STRBP: variants seen among roughly 807,000 people sequenced by gnomAD.
The protein encoded by STRBP is spermatid perinuclear RNA binding protein, also known as spermatid perinuclear RNA-binding protein.
STRBP carries 13 observed loss-of-function variants against 80.1 expected under a neutral mutation model. The ratio of observed to expected loss-of-function variants is 0.16; its 90% CI spans 0.11 to 0.26. STRBP has a LOEUF of 0.26. Ranked by LOEUF, STRBP falls within the 10% of genes least tolerant of loss-of-function variation. STRBP has a pLI of 1.00. For missense variants in STRBP, 485 were observed against 815.2 expected (o/e 0.59, Z 4.93); for synonymous variants, 284 against 291.2 (o/e 0.98, Z 0.25).
chr9:123,246,936 A>G (rs2040811002), intron 1 of STRBP, among the ~76,000 whole-genome samples: 1 of 152,212 alleles, frequency 6.6e-6, no homozygotes, highest in African/African-American at 2.4e-5. Flanking sequence ...CTAACAAACT[A>G]TTTCTCACCA....
chr9:123,243,133 T>C (rs1588148943), intron 1 of STRBP, among the ~76,000 whole-genome samples: 1 of 150,218 alleles, frequency 6.7e-6, no homozygotes, highest in African/African-American at 2.4e-5. Context: ...ATCGATGGAG[T>C]AGAACAGAGA....
At chr9:123,140,431 T>C (rs1045294202) in intron 13 of STRBP, among the ~76,000 whole-genome samples, 1 of 152,080 alleles carries the variant, frequency 6.6e-6, no homozygotes, top group African/African-American at 2.4e-5. Context: ...CAGTCTCTAC[T>C]AAAGATACAA....
At chr9:123,261,730 C>A (rs1161936725) in intron 1 of STRBP, among the ~76,000 whole-genome samples, 1 of 152,148 alleles carries the variant, frequency 6.6e-6, no homozygotes, top group Non-Finnish European at 1.5e-5. Context: ...CAAAAACAAC[C>A]GAAAATATTC....
intron 3 of STRBP, among the ~76,000 whole-genome samples, chr9:123,182,210 G>A (rs541545605): frequency 5.9e-5 from 6 of 101,598 alleles, no homozygotes; most frequent in East Asian, 5.5e-4. Flanking sequence ...GTGAGACTCC[G>A]TTTCTTTAAA....
At chr9:123,257,804 A>T (rs1370265939) in intron 1 of STRBP, among the ~76,000 whole-genome samples, 1 of 152,042 alleles carries the variant, frequency 6.6e-6, no homozygotes, top group Non-Finnish European at 1.5e-5. Flanking sequence ...GCAACAGAAC[A>T]AGACCCTGTC....
chr9:123,211,896 G>A (rs1252407496), intron 2 of STRBP, among the ~76,000 whole-genome samples: 1 of 152,032 alleles, frequency 6.6e-6, no homozygotes, highest in African/African-American at 2.4e-5. Context: ...ATACTAGAAA[G>A]AGAACAAAAA....
intron 18 of STRBP, 119 bp downstream of exon 18, chr9:123,128,095 C>T: frequency 1.6e-6 from 2 of 1,256,562 alleles, no homozygotes; most frequent in Non-Finnish European, 2.3e-6. Flanking sequence ...TAAGTTGGGT[C>T]ACTAGAATGA....
At chr9:123,174,042 T>C (rs2038117158) in intron 4 of STRBP, among the ~76,000 whole-genome samples, 200 bp from the exon 5 acceptor site, 1 of 152,232 alleles carries the variant, frequency 6.6e-6, no homozygotes, top group South Asian at 2.1e-4. Context: ...GGGGAACGTA[T>C]TTCATACTAC....
chr9:123,152,571 C>G (rs1158258852), intron 11 of STRBP, among the ~76,000 whole-genome samples: 1 of 151,868 alleles, frequency 6.6e-6, no homozygotes, highest in Non-Finnish European at 1.5e-5. Context: ...TTGACACACA[C>G]AACAACTTGG....
At position 123,123,620 on chromosome 9, in the gene STRBP, A is replaced by C; in HGVS notation, c.*1977T>G. The C allele has an allele frequency of 1.0e-5, 10 of 985,382 alleles. No homozygotes were observed. In the South Asian group the frequency reaches 4.7e-4, roughly 46 times the overall value. 61.0% of individuals were successfully genotyped at this position (985,382 alleles called of 1,614,324 possible). A position where few individuals can be genotyped will look rare whatever the true frequency, so the allele number is the denominator to read the frequency against. On this transcript the variant is annotated 3_prime_UTR_variant, in exon 19 of 19. Transcript: ENST00000348403. ...AGCACAGCTCCCTTTTCACCATTAC[A>C]GAGCGCGTGAGTTATGAAGCAGAGT...
chr9:123,118,990 T>C (rs766618282), downstream of STRBP, among the ~76,000 whole-genome samples: 8 of 152,190 alleles, frequency 5.3e-5, no homozygotes, highest in Non-Finnish European at 8.8e-5. Context: ...AGTAAATGGA[T>C]AGACAAAAAG....
In STRBP at chr9:123,152,609, G is replaced by GT. The variant is rs542541313; in HGVS notation, c.1046-4740dup. Among the ~76,000 whole-genome samples, 8 of 151,662 alleles carry GT rather than the reference G, an allele frequency of 5.3e-5. No homozygotes were observed. The South Asian group carries it at 1.7e-3, about 32-fold the overall frequency. On this transcript the variant is annotated intron_variant, in intron 11 of 18. Transcript: ENST00000348403. ...GGACCCTAAGGGCATTATGCTGAGTGTTAAAAAAAAAAATCGCAAAAGGTC... is the reference window on the plus strand; with the variant it reads ...GGACCCTAAGGGCATTATGCTGAGTGTTTAAAAAAAAAAATCGCAAAAGGTC...
chr9:123,111,659 G>T (rs1259553046), intron 3 of STRBP: 2 of 470,746 alleles, frequency 4.2e-6, no homozygotes, highest in Non-Finnish European at 8.8e-6. Context: ...CACAGGAAAG[G>T]CCACACCTGG....
At chr9:123,156,908 G>A (rs2037311716) in intron 11 of STRBP, among the ~76,000 whole-genome samples, 1 of 151,954 alleles carries the variant, frequency 6.6e-6, no homozygotes, top group African/African-American at 2.4e-5. Context: ...TAGTTTAAAA[G>A]AAGAGAAAGG....
chr9:123,133,360 TA>T, intron 16 of STRBP, among the ~76,000 whole-genome samples: 1 of 152,156 alleles, frequency 6.6e-6, no homozygotes, highest in Non-Finnish European at 1.5e-5. Context: ...TACATAGAAT[TA>T]ACTGCGAATC....
At chr9:123,155,529 C>T (rs919967545) in intron 11 of STRBP, among the ~76,000 whole-genome samples, 1 of 151,916 alleles carries the variant, frequency 6.6e-6, no homozygotes, top group Non-Finnish European at 1.5e-5. Context: ...TCATGTAATA[C>T]AAGCACGGTA....
At chr9:123,165,007 G>C (rs1032584567) in intron 6 of STRBP, among the ~76,000 whole-genome samples, 2 of 151,730 alleles carry the variant, frequency 1.3e-5, no homozygotes, top group African/African-American at 4.8e-5. Context: ...GATTGACCGG[G>C]CACGGTGGCT....
chr9:123,181,210 T>G (rs1476844776), intron 3 of STRBP, among the ~76,000 whole-genome samples: 1 of 152,214 alleles, frequency 6.6e-6, no homozygotes, highest in Non-Finnish European at 1.5e-5. Flanking sequence ...CTGGTGCAGT[T>G]TGCCACAAAG....
chr9:123,234,501 C>A (rs1028927291), intron 2 of STRBP, among the ~76,000 whole-genome samples: 4 of 152,060 alleles, frequency 2.6e-5, no homozygotes, highest in African/African-American at 9.7e-5. Flanking sequence ...AATATCCTGC[C>A]CAAGACCACC....
Sources: allele counts gnomAD v4.1 joint callset (sites outside exome capture counted in the v4.1 genomes callset), GRCh38; gene constraint gnomAD v4.1.1; transcripts MANE v1.5; gene names NCBI Gene and HGNC (gene_info 2026-07-23, HGNC 2026-07-21).